The following RALA variants were observed in gnomAD, a reference collection of about 807,000 sequenced individuals.
RALA encodes RAS like proto-oncogene A.
A neutral mutation model predicts 24.0 loss-of-function variants in RALA; 5 were observed. That is an observed-to-expected ratio of 0.21 (90% confidence interval 0.11 to 0.44). RALA has a LOEUF of 0.44. Among genes scored for constraint, RALA ranks in the 20% least tolerant of loss-of-function variants. The probability of loss-of-function intolerance (pLI) is 0.99; values close to 1 mark genes in which losing one functional copy is unlikely to be tolerated. For synonymous variants in RALA, 77 were observed against 83.8 expected, an observed-to-expected ratio of 0.92 and a Z score of 0.44; for missense variants, 95 against 241.2, an observed-to-expected ratio of 0.39 and a Z score of 4.01.
At chr7:39,661,819 TG>T in intron 1 of RALA, among the ~76,000 whole-genome samples, 1 of 152,334 alleles carries the variant, frequency 6.6e-6, no homozygotes, top group African/African-American at 2.4e-5. Flanking sequence ...AGTGTCCCAG[TG>T]GGGACTTTGT....
intron 3 of RALA, among the ~76,000 whole-genome samples, chr7:39,691,181 GA>G (rs766668502): frequency 2.6e-4 from 39 of 152,024 alleles, no homozygotes; most frequent in Admixed American, 2.0e-4. Flanking sequence ...TTAAAATCTG[GA>G]ATCCATTTGG....
intron 4 of RALA, among the ~76,000 whole-genome samples, chr7:39,703,991 C>T (rs1793072381): frequency 6.6e-6 from 1 of 151,802 alleles, no homozygotes; most frequent in African/African-American, 2.4e-5. Flanking sequence ...CATGGCAAAA[C>T]CCCGTCTCTA....
chr7:39,658,157 G>T (rs373859423), intron 1 of RALA, among the ~76,000 whole-genome samples: 1 of 152,124 alleles, frequency 6.6e-6, no homozygotes, highest in Non-Finnish European at 1.5e-5. Context: ...ATGTTCTCTG[G>T]TGTCTTCTAT....
At chr7:39,652,478 G>A (rs747960657) in intron 1 of RALA, among the ~76,000 whole-genome samples, 2 of 152,132 alleles carry the variant, frequency 1.3e-5, no homozygotes, top group Non-Finnish European at 2.9e-5. Flanking sequence ...ATGAAGGTCC[G>A]TTGGTTTTAT....
intron 1 of RALA, among the ~76,000 whole-genome samples, chr7:39,659,365 T>C (rs1199873807): frequency 6.6e-6 from 1 of 152,166 alleles, no homozygotes; most frequent in African/African-American, 2.4e-5. Flanking sequence ...TGCTACAAGA[T>C]GTTTTATGAT....
chr7:39,687,710 T>C (rs1259003880), intron 2 of RALA, among the ~76,000 whole-genome samples: 1 of 152,202 alleles, frequency 6.6e-6, no homozygotes, highest in Non-Finnish European at 1.5e-5. Context: ...TTCTGTTTTC[T>C]CCCAACAAAA....
intron 3 of RALA, among the ~76,000 whole-genome samples, chr7:39,695,418 GT>G (rs1250385173): frequency 2.4e-4 from 35 of 144,526 alleles, no homozygotes; most frequent in East Asian, 8.0e-4. Context: ...TTGGTTTTTG[GT>G]TTTTTTTTTT....
intron 1 of RALA, among the ~76,000 whole-genome samples, chr7:39,662,182 C>T (rs1792203654): frequency 6.6e-6 from 1 of 152,128 alleles, no homozygotes; most frequent in Non-Finnish European, 1.5e-5. Flanking sequence ...TCCTCCTATG[C>T]CTCAGGCCTG....
intron 1 of RALA, among the ~76,000 whole-genome samples, chr7:39,641,914 C>A (rs1791824463): frequency 6.6e-6 from 1 of 152,122 alleles, no homozygotes; most frequent in Non-Finnish European, 1.5e-5. Context: ...ACTTACATTT[C>A]TTCCATATAG....
In RALA at chr7:39,636,863, T is replaced by A. The variant is rs1032330320; in HGVS notation, c.-38+13038T>A. On this transcript the variant is annotated intron_variant, in intron 1 of 4. Transcript: ENST00000005257. ...GGAGAGAGACACGGGGGCAAGGAAG[T>A]GCTACACTTTTAAACCATCAGATCT... 3.3e-5 allele frequency among the ~76,000 whole-genome samples: 5 copies of A among 152,160 alleles called. No individual in the cohort carries two copies. The South Asian group carries it at 8.3e-4, about 25-fold the overall frequency.
intron 1 of RALA, among the ~76,000 whole-genome samples, chr7:39,660,236 G>T (rs1247607550): frequency 6.6e-6 from 1 of 151,642 alleles, no homozygotes; most frequent in Non-Finnish European, 1.5e-5. Flanking sequence ...GTCCCAGCTA[G>T]TTGGGAGGCT....
intron 1 of RALA, among the ~76,000 whole-genome samples, chr7:39,683,350 G>C (rs182585771): frequency 6.6e-6 from 1 of 152,204 alleles, no homozygotes; most frequent in East Asian, 1.9e-4. Flanking sequence ...TCTTCCCTCA[G>C]AGCTGACTGG....
chr7:39,673,054 G>C (rs548572031), intron 1 of RALA, among the ~76,000 whole-genome samples: 1 of 152,156 alleles, frequency 6.6e-6, no homozygotes, highest in Non-Finnish European at 1.5e-5. Context: ...TGATCATGGT[G>C]GTGCACGCCT....
chr7:39,646,031 C>T (rs1299901016), intron 1 of RALA, among the ~76,000 whole-genome samples: 1 of 152,158 alleles, frequency 6.6e-6, no homozygotes, highest in Non-Finnish European at 1.5e-5. Flanking sequence ...AACTTCAGAG[C>T]TCTCAAAATT....
Position 39,685,105 on chromosome 7 carries a change from G to A in RALA, c.-37-1526G>A, listed in dbSNP as rs539982548. On this transcript the variant is annotated intron_variant, in intron 1 of 4. Coordinates refer to ENST00000005257, the MANE Select transcript of RALA (RefSeq NM_005402.4). ...TGGCGCCAACCTAATACATATTCAG[G>A]CAATTTCAACTTGTGATAAGGATTA... Among the ~76,000 whole-genome samples, 6 of 152,280 alleles carry A rather than the reference G, an allele frequency of 3.9e-5. No individual in the cohort carries two copies. In the South Asian group the frequency reaches 6.2e-4, roughly 16 times the overall value.
intron 3 of RALA, among the ~76,000 whole-genome samples, chr7:39,693,125 T>C (rs1266705705): frequency 1.3e-5 from 2 of 152,210 alleles, no homozygotes; most frequent in Admixed American, 6.5e-5. Flanking sequence ...ACATGTATGT[T>C]TACTGCGGCA....
rs1223569608 is a variant in RALA at position 39,706,821 on chromosome 7, C to T, written c.*576C>T. 1 of 152,630 alleles carries T rather than the reference C, an allele frequency of 6.6e-6. No homozygotes were observed. The highest frequency in any genetic ancestry group is 2.4e-5 in the African/African-American group (1 of 41,414). The allele number at this position is 152,630 out of a possible 1,614,324, so 9.5% of individuals were successfully genotyped here. On this transcript the variant is annotated 3_prime_UTR_variant, in exon 5 of 5. Coordinates refer to ENST00000005257, the MANE Select transcript of RALA (RefSeq NM_005402.4). ...CTTAGAAAAGTGGTGTAAACTTGTACATGGAATTTTTTGAATATGCCTTAA... is the reference window on the plus strand; with the variant it reads ...CTTAGAAAAGTGGTGTAAACTTGTATATGGAATTTTTTGAATATGCCTTAA...
At chr7:39,675,376 T>C (rs541298613) in intron 1 of RALA, among the ~76,000 whole-genome samples, 1 of 152,364 alleles carries the variant, frequency 6.6e-6, no homozygotes, top group East Asian at 1.9e-4. Flanking sequence ...TTTTGGAGCA[T>C]GTCCGATCTT....
intron 1 of RALA, among the ~76,000 whole-genome samples, chr7:39,632,077 G>A (rs973007909): frequency 6.6e-6 from 1 of 152,214 alleles, no homozygotes; most frequent in African/African-American, 2.4e-5. Context: ...GTAAGAACTT[G>A]CTCATTACTG....
Sources: gnomAD v4.1 joint callset for allele counts (sites outside exome capture counted in the v4.1 genomes callset) on GRCh38, gnomAD v4.1.1 for gene constraint, MANE v1.5 for transcripts, NCBI Gene and HGNC (gene_info 2026-07-23, HGNC 2026-07-21) for gene names.